Variants in AKR1C8 observed in about 807,000 individuals in gnomAD.
AKR1C8 encodes the protein aldo-keto reductase family 1 member C-like protein 1.
At chr10:5,142,666 C>T in the AKR1C8 span, among the ~76,000 whole-genome samples, 1 of 152,096 alleles carries the variant, frequency 6.6e-6, no homozygotes, top group Non-Finnish European at 1.5e-5. Context: ...GGTCAGAAGA[C>T]ACACAATTAT....
chr10:5,179,434 G>C, the AKR1C8 span, among the ~76,000 whole-genome samples: 1 of 152,026 alleles, frequency 6.6e-6, no homozygotes, highest in Non-Finnish European at 1.5e-5. Context: ...TTTCAACTTT[G>C]GTGAATCTGA....
At chr10:5,139,185 T>C in the AKR1C8 span, among the ~76,000 whole-genome samples, 2 of 152,206 alleles carry the variant, frequency 1.3e-5, no homozygotes, top group South Asian at 2.1e-4. Context: ...TCCATGCTCA[T>C]GGATAGGAAG....
At chr10:5,153,060 C>G in the AKR1C8 span, among the ~76,000 whole-genome samples, 2 of 152,154 alleles carry the variant, frequency 1.3e-5, no homozygotes, top group Non-Finnish European at 2.9e-5. Flanking sequence ...TCCCTACAAG[C>G]ACTTAGCAAT....
the AKR1C8 span, among the ~76,000 whole-genome samples, chr10:5,138,086 C>T: frequency 0.87 from 130,928 of 150,114 alleles, 57,418 homozygotes; most frequent in African/African-American, 0.96. Flanking sequence ...GGTGCACGTA[C>T]TGTCTTGATA....
chr10:5,175,611 A>G, the AKR1C8 span, among the ~76,000 whole-genome samples: 14 of 152,218 alleles, frequency 9.2e-5, no homozygotes, highest in African/African-American at 2.6e-4. Flanking sequence ...AAGTGTTACT[A>G]TTTCTCCACA....
the AKR1C8 span, among the ~76,000 whole-genome samples, chr10:5,147,504 A>G: frequency 6.6e-6 from 1 of 152,128 alleles, no homozygotes; most frequent in Non-Finnish European, 1.5e-5. Flanking sequence ...AGTTGTGAGT[A>G]AACATTCCTT....
the AKR1C8 span, among the ~76,000 whole-genome samples, chr10:5,181,782 A>G: frequency 6.6e-6 from 1 of 152,222 alleles, no homozygotes; most frequent in Non-Finnish European, 1.5e-5. Flanking sequence ...TTTGTCAATC[A>G]TATTCTTAGC....
chr10:5,179,001 T>A, the AKR1C8 span, among the ~76,000 whole-genome samples: 1 of 152,028 alleles, frequency 6.6e-6, no homozygotes, highest in Non-Finnish European at 1.5e-5. Flanking sequence ...ATTATTATGT[T>A]TGAATTTGAT....
At chr10:5,162,996 C>T in the AKR1C8 span, 2 of 534,138 alleles carry the variant, frequency 3.7e-6, no homozygotes, top group African/African-American at 1.9e-5. Context: ...ACTTTGGTGG[C>T]CTCGGCAGCC....
At chr10:5,129,229 A>G in the AKR1C8 span, among the ~76,000 whole-genome samples, 1 of 152,014 alleles carries the variant, frequency 6.6e-6, no homozygotes. Flanking sequence ...TTTTTGAAAT[A>G]AATTATAATA....
chr10:5,130,889 C>T, the AKR1C8 span, among the ~76,000 whole-genome samples: 1 of 151,832 alleles, frequency 6.6e-6, no homozygotes, highest in East Asian at 1.9e-4. Context: ...ATAACCAAAG[C>T]AATACTAAGC....
the AKR1C8 span, among the ~76,000 whole-genome samples, chr10:5,132,446 TGCC>T: frequency 6.6e-6 from 1 of 152,204 alleles, no homozygotes; most frequent in African/African-American, 2.4e-5. Context: ...CATCATCATT[TGCC>T]GCCTTTTATT....
At chr10:5,184,960 C>A in the AKR1C8 span, 1 of 528,480 alleles carries the variant, frequency 1.9e-6, no homozygotes, top group Non-Finnish European at 3.9e-6. Context: ...CTGATGACTG[C>A]CCTGCAAGTA....
At chr10:5,123,299 T>G in the AKR1C8 span, 1 of 250,020 alleles carries the variant, frequency 4.0e-6, no homozygotes, top group Non-Finnish European at 8.6e-6. Context: ...GATCTGCTGT[T>G]CATTGGAGCT....
chr10:5,177,554 G>A, the AKR1C8 span, among the ~76,000 whole-genome samples: 1 of 152,172 alleles, frequency 6.6e-6, no homozygotes, highest in Non-Finnish European at 1.5e-5. Context: ...AGAAGGAATG[G>A]TACCAGTTCC....
the AKR1C8 span, chr10:5,155,391 T>C: frequency 1.7e-5 from 3 of 176,404 alleles, no homozygotes; most frequent in Admixed American, 6.3e-5. Context: ...TCTAGACTCA[T>C]AGGCAGTGGG....
chr10:5,148,790 C>T, the AKR1C8 span, among the ~76,000 whole-genome samples: 2 of 152,140 alleles, frequency 1.3e-5, no homozygotes, highest in African/African-American at 2.4e-5. Context: ...GCTTAACTTT[C>T]CTTCTGACAT....
At chr10:5,179,758 G>T in the AKR1C8 span, among the ~76,000 whole-genome samples, 1 of 151,978 alleles carries the variant, frequency 6.6e-6, no homozygotes, top group Non-Finnish European at 1.5e-5. Context: ...TCTTCCAGTT[G>T]ATTGCATCAG....
chr10:5,144,418 T>C, the AKR1C8 span, among the ~76,000 whole-genome samples: 7 of 152,126 alleles, frequency 4.6e-5, no homozygotes, highest in African/African-American at 1.7e-4. Flanking sequence ...AAGAAAGGCA[T>C]TGGTAGCTTG....
Sources: gnomAD v4.1 joint callset for allele counts (sites outside exome capture counted in the v4.1 genomes callset) on GRCh38, gnomAD v4.1.1 for gene constraint, MANE v1.5 for transcripts, NCBI Gene and HGNC (gene_info 2026-07-23, HGNC 2026-07-21) for gene names.